Variants in EIF2AK4 observed in about 807,000 individuals in gnomAD.
EIF2AK4 encodes the protein eukaryotic translation initiation factor 2 alpha kinase 4, also known as eIF-2-alpha kinase GCN2.
A neutral mutation model predicts 211.1 loss-of-function variants in EIF2AK4; 139 were observed. That is an observed-to-expected ratio of 0.66 (90% CI 0.57 to 0.76). The LOEUF (loss-of-function observed/expected upper bound fraction) is 0.76, where lower values mean the gene tolerates loss of function less well. EIF2AK4 is among the 30% of genes least tolerant of loss of function. The probability of loss-of-function intolerance (pLI) is 0.00; values close to 1 mark genes in which losing one functional copy is unlikely to be tolerated. For missense variants in EIF2AK4, 1,664 were observed against 2,043.8 expected (o/e 0.81, Z 3.58); for synonymous variants, 710 against 751.3 (o/e 0.94, Z 0.90).
intron 27 of EIF2AK4, among the ~76,000 whole-genome samples, chr15:40,014,685 C>T (rs553201080): frequency 6.6e-6 from 1 of 152,344 alleles, no homozygotes; most frequent in South Asian, 2.1e-4. Flanking sequence ...ACATTTTCCC[C>T]ATTGTTTTGG....
chr15:39,949,395 T>C, intron 4 of EIF2AK4, 127 bp downstream of exon 4: 1 of 1,353,326 alleles, frequency 7.4e-7, no homozygotes, highest in Non-Finnish European at 1.0e-6. Flanking sequence ...TCAAGAAAGG[T>C]AGACACATGT....
chr15:39,951,493 C>T (rs2034313363), intron 4 of EIF2AK4: 1 of 410,286 alleles, frequency 2.4e-6, no homozygotes, highest in East Asian at 8.6e-5. Flanking sequence ...ATAGGCCTCA[C>T]TTGCCTTCTG....
Position 40,034,943 on chromosome 15 carries a change from C to T in EIF2AK4, c.4893-84C>T, listed in dbSNP as rs139109016. 292 of 1,085,178 alleles carry T rather than the reference C, an allele frequency of 2.7e-4. No homozygotes were observed. The African/African-American group carries it at 4.3e-3, about 16-fold the overall frequency. The allele number at this position is 1,085,178 out of a possible 1,614,324, so 67.2% of individuals were successfully genotyped here. On this transcript the variant is annotated intron_variant, in intron 38 of 38. Coordinates refer to ENST00000263791, the MANE Select transcript of EIF2AK4 (RefSeq NM_001013703.4). ...TCTTGTTTTTGCTTAAATAAAGCTCCTACAGGTGTTATAAAAATTTATTAG... is the reference window on the plus strand; with the variant it reads ...TCTTGTTTTTGCTTAAATAAAGCTCTTACAGGTGTTATAAAAATTTATTAG...
Position 39,955,698 on chromosome 15 carries a change from A to T in EIF2AK4, c.673A>T (p.Ile225Phe), listed in dbSNP as rs1595546648. 1 of 1,613,394 alleles carries T rather than the reference A, an allele frequency of 6.2e-7. No individual in the cohort carries two copies. Among genetic ancestry groups the T allele is most frequent in the East Asian group, 2.2e-5 (1 of 44,824 alleles). The change falls in exon 6 of 39, where the codon ATT (isoleucine) becomes TTT (phenylalanine). Residue 225 changes from isoleucine to phenylalanine, a missense_variant. Ile to Phe is a conservative substitution (Grantham distance 21). This residue lies in a region of EIF2AK4 where 641 missense variants were observed against 729.6 expected (regional missense o/e 0.88). Transcript: ENST00000263791. ...KDPGGHRTAA[I>F]LHGGSPDFVG... is the part of the protein sequence containing the mutation. ...CCCAGGAGGACACAGAACGGCTGCC[A>T]TTCTACATGGAGGCTCTCCTGACTT...
intron 1 of EIF2AK4, among the ~76,000 whole-genome samples, chr15:39,938,555 C>T (rs1378756326): frequency 2.0e-5 from 3 of 152,148 alleles, no homozygotes; most frequent in Non-Finnish European, 4.4e-5. Flanking sequence ...GATGATACCA[C>T]GTTTCTCTTT....
intron 2 of EIF2AK4, 67 bp downstream of exon 2, chr15:39,939,684 T>G (rs889698364): frequency 2.3e-6 from 3 of 1,319,534 alleles, no homozygotes; most frequent in East Asian, 2.4e-5. Flanking sequence ...AGAAACAGAT[T>G]GAAATTCGTA....
chr15:39,967,525 A>C lies in EIF2AK4; in HGVS notation c.1199A>C (p.His400Pro). The change falls in exon 9 of 39, where the codon CAT becomes CCT. Residue 400 changes from histidine to proline, a missense_variant. His to Pro is a moderately conservative substitution (Grantham distance 77). Coordinates refer to ENST00000263791, the MANE Select transcript of EIF2AK4 (RefSeq NM_001013703.4). ...HLSHSGPIPV[H>P]QLRRYTAQLL... ...AGCCACTCAGGCCCCATCCCTGTGC[A>C]TCAGCTTCGCAGGTACACAGCTCAG... 1 of 1,614,066 alleles carries C rather than the reference A, an allele frequency of 6.2e-7. No homozygotes were observed. The highest frequency in any genetic ancestry group is 8.5e-7 in the Non-Finnish European group (1 of 1,179,984).
intron 6 of EIF2AK4, among the ~76,000 whole-genome samples, chr15:39,959,259 A>G (rs1263365398): frequency 6.6e-6 from 1 of 152,246 alleles, no homozygotes; most frequent in Non-Finnish European, 1.5e-5. Flanking sequence ...GAATGGATTC[A>G]AATCCAAAAG....
chr15:40,028,051 G>T (rs1176594134), intron 33 of EIF2AK4, among the ~76,000 whole-genome samples: 1 of 150,316 alleles, frequency 6.7e-6, no homozygotes, highest in Non-Finnish European at 1.5e-5. Context: ...AAATTACTTT[G>T]TTAAGCTTTT....
At chr15:39,985,593 G>T (rs2034853484) in intron 13 of EIF2AK4, among the ~76,000 whole-genome samples, 1 of 152,194 alleles carries the variant, frequency 6.6e-6, no homozygotes, top group South Asian at 2.1e-4. Flanking sequence ...AATTGAGGCA[G>T]TAATTAATAG....
At chr15:39,977,898 G>A (rs1256503522) in intron 12 of EIF2AK4, 180 bp from the exon 13 acceptor site, 3 of 383,654 alleles carry the variant, frequency 7.8e-6, no homozygotes, top group Non-Finnish European at 1.4e-5. Context: ...TTAAATCAAG[G>A]GTTCTGTGTT....
Position 39,954,740 on chromosome 15 carries a change from A to G in EIF2AK4, c.594+756A>G, listed in dbSNP as rs1954125847. On this transcript the variant is annotated intron_variant, in intron 5 of 38. Coordinates refer to ENST00000263791, the MANE Select transcript of EIF2AK4 (RefSeq NM_001013703.4). ...TATTTTTCCTGAGTCTAGCTCAAGC[A>G]AAAAACCAGTCAGACGTGTTTGGAG... Among the ~76,000 whole-genome samples the G allele has an allele frequency of 1.3e-5, 2 of 152,222 alleles. 1 individual carries two copies. Among genetic ancestry groups the G allele is most frequent in the South Asian group, 4.1e-4 (2 of 4,834 alleles).
intron 38 of EIF2AK4, 71 bp from the exon 39 acceptor site, chr15:40,034,956 A>G: frequency 7.8e-7 from 1 of 1,285,182 alleles, no homozygotes; most frequent in East Asian, 2.4e-5. Flanking sequence ...CAGGTGTTAT[A>G]AAAATTTATT....
chr15:40,012,879 A>C (rs1162226717), intron 27 of EIF2AK4, among the ~76,000 whole-genome samples: 1 of 152,212 alleles, frequency 6.6e-6, no homozygotes, highest in East Asian at 1.9e-4. Flanking sequence ...ATGGACTCTA[A>C]GGGTATTAGG....
At chr15:39,958,946 C>A (rs759684568) in intron 6 of EIF2AK4, among the ~76,000 whole-genome samples, 11 of 151,238 alleles carry the variant, frequency 7.3e-5, no homozygotes, top group Non-Finnish European at 1.3e-4. Context: ...TTTCAGGTAT[C>A]AAGCTCCTAG....
chr15:39,965,923 T>G (rs2034538421), intron 8 of EIF2AK4, 80 bp downstream of exon 8: 1 of 1,551,894 alleles, frequency 6.4e-7, no homozygotes, highest in Non-Finnish European at 8.7e-7. Context: ...AGCCCTGCAT[T>G]TGTTTGCCCT....
intron 2 of EIF2AK4, among the ~76,000 whole-genome samples, chr15:39,940,955 A>G (rs1282893012): frequency 6.6e-6 from 1 of 151,936 alleles, no homozygotes; most frequent in Admixed American, 6.6e-5. Context: ...GCATCACAGA[A>G]CTCAGTTTCT....
At chr15:40,005,092 G>A (rs2035142747) in intron 23 of EIF2AK4, among the ~76,000 whole-genome samples, 1 of 152,166 alleles carries the variant, frequency 6.6e-6, no homozygotes, top group African/African-American at 2.4e-5. Context: ...GATATTATAA[G>A]TAATCTAAAG....
chr15:39,990,193 G>T (rs1459679049), intron 15 of EIF2AK4, 80 bp from the exon 16 acceptor site: 1 of 1,374,924 alleles, frequency 7.3e-7, no homozygotes, highest in Non-Finnish European at 1.0e-6. Context: ...TTCATCGCTA[G>T]GTTGGCCTTT....
Sources: gnomAD v4.1 joint callset for allele counts (sites outside exome capture counted in the v4.1 genomes callset) on GRCh38, gnomAD v4.1.1 for gene constraint, gnomAD v4.1.1 regional missense constraint, MANE v1.5 for transcripts, NCBI Gene and HGNC (gene_info 2026-07-23, HGNC 2026-07-21) for gene names.